The following DSCAM variants were observed in gnomAD, a reference collection of about 807,000 sequenced individuals.
The protein encoded by DSCAM is DS cell adhesion molecule, also known as cell adhesion molecule DSCAM.
In DSCAM, 47 loss-of-function variants were observed where a neutral mutation model predicts 217.7. That is an observed-to-expected ratio of 0.22 (90% confidence interval 0.17 to 0.28). DSCAM has a LOEUF of 0.28. Ranked by LOEUF, DSCAM falls within the 10% of genes least tolerant of loss-of-function variation. The pLI is 1.00. For synonymous variants in DSCAM, 1,056 were observed against 1,015.3 expected, an observed-to-expected ratio of 1.04 and a Z score of -0.76; for missense variants, 2,080 against 2,618.3, an observed-to-expected ratio of 0.79 and a Z score of 4.49.
chr21:40,728,743 G>A (rs529037089), intron 1 of DSCAM, among the ~76,000 whole-genome samples: 64 of 152,212 alleles, frequency 4.2e-4, no homozygotes, highest in African/African-American at 1.4e-3. Context: ...TCTGAATGCC[G>A]CCTCTCCATT....
chr21:40,154,937 C>T (rs10211913), intron 16 of DSCAM, among the ~76,000 whole-genome samples: 24,645 of 152,134 alleles, frequency 0.16, 2,418 homozygotes, highest in Middle Eastern at 0.26. Context: ...GTGGGCTTTG[C>T]CTTGAGACAC....
intron 1 of DSCAM, among the ~76,000 whole-genome samples, chr21:40,834,251 A>T (rs533166406): frequency 1.9e-4 from 29 of 151,776 alleles, no homozygotes; most frequent in African/African-American, 6.8e-4. Flanking sequence ...TACTAAAAAT[A>T]CAAAAATTAG....
At chr21:40,811,902 C>A (rs1482057661) in intron 1 of DSCAM, among the ~76,000 whole-genome samples, 4 of 152,190 alleles carry the variant, frequency 2.6e-5, no homozygotes, top group African/African-American at 9.7e-5. Flanking sequence ...TTTCTCACTT[C>A]TTAGTGCCTT....
At chr21:40,184,259 G>A (rs925171769) in intron 14 of DSCAM, among the ~76,000 whole-genome samples, 12 of 152,266 alleles carry the variant, frequency 7.9e-5, no homozygotes, top group African/African-American at 2.9e-4. Context: ...AATTTCTGGA[G>A]GAAGAAACTA....
In DSCAM at chr21:40,187,868, C is replaced by G. The variant is rs1329679211; in HGVS notation, c.2650+23G>C. 6 of 1,591,510 alleles carry G rather than the reference C, an allele frequency of 3.8e-6. No individual in the cohort carries two copies. The Admixed American group carries it at 8.3e-5, about 22-fold the overall frequency. On this transcript the variant is annotated intron_variant, in intron 13 of 32. Transcript: ENST00000400454. Reference sequence around the variant, plus strand: ...CCATCCTGAAATGACTGTGTTTATTCTCTTACGCTATCGTCTTCCTACCTT... The same window carrying G: ...CCATCCTGAAATGACTGTGTTTATTGTCTTACGCTATCGTCTTCCTACCTT...
rs1323582182 is a variant in DSCAM, at chr21:40,079,720, T to TA, written c.4420+431dup. Among the ~76,000 whole-genome samples, 1,276 of 148,038 alleles carry TA rather than the reference T, an allele frequency of 8.6e-3. 20 individuals are homozygous for TA. Among genetic ancestry groups the TA allele is most frequent in the African/African-American group, 0.028 (1,127 of 40,370 alleles). ...CTCCTTGAAAGTCCACATTTTAGAT[T>TA]AAAAAAAAAACAAACGCAATTTACC... On this transcript the variant is annotated intron_variant, in intron 25 of 32. Transcript: ENST00000400454.
chr21:40,827,645 C>T (rs186574730), intron 1 of DSCAM, among the ~76,000 whole-genome samples: 10 of 152,020 alleles, frequency 6.6e-5, no homozygotes, highest in African/African-American at 9.7e-5. Context: ...GTTGAAACAG[C>T]GCTAATCGAA....
chr21:40,084,113 T>G (rs2089500967), intron 23 of DSCAM, 107 bp from the exon 24 acceptor site: 2 of 827,940 alleles, frequency 2.4e-6, no homozygotes, highest in South Asian at 3.7e-5. Context: ...ATTAAATAAG[T>G]GTTTCAGTTT....
chr21:40,192,534 G>A (rs567719660), intron 11 of DSCAM, among the ~76,000 whole-genome samples: 28 of 152,220 alleles, frequency 1.8e-4, no homozygotes, highest in Admixed American at 7.2e-4. Flanking sequence ...TTCCCTAGTC[G>A]CATAGGACTG....
intron 3 of DSCAM, among the ~76,000 whole-genome samples, chr21:40,469,792 T>G (rs1264551365): frequency 2.6e-5 from 4 of 152,202 alleles, no homozygotes; most frequent in African/African-American, 9.7e-5. Flanking sequence ...AAACGGGGAA[T>G]GCATTCTCAG....
chr21:40,766,136 C>T (rs565942852), intron 1 of DSCAM, among the ~76,000 whole-genome samples: 1 of 152,108 alleles, frequency 6.6e-6, no homozygotes, highest in Middle Eastern at 3.4e-3. Flanking sequence ...CGTCAACTAG[C>T]AAAAGGGGTT....
chr21:40,496,159 A>C (rs2076116710), intron 3 of DSCAM, among the ~76,000 whole-genome samples: 1 of 152,186 alleles, frequency 6.6e-6, no homozygotes, highest in South Asian at 2.1e-4. Context: ...TCAAAGAAAT[A>C]GAAAAAAATT....
intron 30 of DSCAM, among the ~76,000 whole-genome samples, chr21:40,048,713 A>G (rs902541606): frequency 6.6e-6 from 1 of 152,248 alleles, no homozygotes; most frequent in Admixed American, 6.5e-5. Context: ...GAGAAAATAG[A>G]GAATACAAAT....
intron 27 of DSCAM, among the ~76,000 whole-genome samples, chr21:40,072,017 T>A (rs1031961847): frequency 2.0e-5 from 3 of 152,170 alleles, no homozygotes; most frequent in African/African-American, 7.2e-5. Flanking sequence ...GCGCTGTCCT[T>A]TTATGGCAGT....
chr21:40,117,543 G>A (rs2089984971), intron 20 of DSCAM, among the ~76,000 whole-genome samples: 2 of 152,090 alleles, frequency 1.3e-5, no homozygotes, highest in Admixed American at 1.3e-4. Flanking sequence ...CACCTCCTGC[G>A]TAAGGTAGTC....
At chr21:40,642,235 A>G (rs1362644288) in intron 3 of DSCAM, among the ~76,000 whole-genome samples, 1 of 152,066 alleles carries the variant, frequency 6.6e-6, no homozygotes, top group Non-Finnish European at 1.5e-5. Flanking sequence ...GGTGTTCCTC[A>G]TGATGCAGGC....
intron 8 of DSCAM, among the ~76,000 whole-genome samples, chr21:40,318,887 C>A (rs138855216): frequency 4.6e-5 from 7 of 152,060 alleles, no homozygotes; most frequent in Admixed American, 2.0e-4. Flanking sequence ...TTGACCTAGG[C>A]GAAAAAGGCA....
At position 40,167,202 on chromosome 21, in the gene DSCAM, T is replaced by C. The variant is rs752141293; in HGVS notation, c.3018+16A>G. On this transcript the variant is annotated intron_variant, in intron 16 of 32. Coordinates refer to ENST00000400454, the MANE Select transcript of DSCAM (RefSeq NM_001389.5). ...GGGGGGAAAGCACCGAGAATACAAATGTTTGCTGAGTTTACCTTCCATGTG... is the reference window on the plus strand; with the variant it reads ...GGGGGGAAAGCACCGAGAATACAAACGTTTGCTGAGTTTACCTTCCATGTG... 4 of 1,612,838 alleles carry C rather than the reference T, an allele frequency of 2.5e-6. No individual in the cohort carries two copies. In the South Asian group the frequency reaches 4.4e-5, roughly 18 times the overall value.
intron 3 of DSCAM, among the ~76,000 whole-genome samples, chr21:40,670,624 A>G (rs1209591481): frequency 6.6e-6 from 1 of 151,956 alleles, no homozygotes; most frequent in African/African-American, 2.4e-5. Flanking sequence ...TATTTCACTT[A>G]GCGTAATACC....
Sources: allele counts gnomAD v4.1 joint callset (sites outside exome capture counted in the v4.1 genomes callset), GRCh38; gene constraint gnomAD v4.1.1; transcripts MANE v1.5; gene names NCBI Gene and HGNC (gene_info 2026-07-23, HGNC 2026-07-21).